Variants in WDR6 observed in about 807,000 individuals in gnomAD.
WDR6 encodes the protein WD repeat domain 6, also known as tRNA (34-2'-O)-methyltransferase regulator WDR6.
Under a neutral mutation model 85.6 loss-of-function variants are expected in WDR6, and 58 were observed. The ratio of observed to expected loss-of-function variants is 0.68; its 90% CI spans 0.55 to 0.84. The LOEUF (loss-of-function observed/expected upper bound fraction) is 0.84, where lower values mean the gene tolerates loss of function less well. Ranked by LOEUF, WDR6 falls within the 40% of genes least tolerant of loss-of-function variation. The probability of loss-of-function intolerance (pLI) is 0.00; values close to 1 mark genes in which losing one functional copy is unlikely to be tolerated. For synonymous variants in WDR6, 569 were observed against 582.2 expected (o/e 0.98, Z 0.33); for missense variants, 1,310 against 1,476.4 (o/e 0.89, Z 1.85).
chr3:49,011,560 C>T lies in WDR6; in HGVS notation c.101-75C>T, dbSNP rs748571268. 2.3e-5 allele frequency: 37 copies of T among 1,612,010 alleles called. No individual in the cohort carries two copies. In the Admixed American group the frequency reaches 4.0e-4, roughly 17 times the overall value. ...ATAGGCTACATGCCGAGAAGTTTCC[C>T]TGATCCCCATCTCTTCCCTGTGGGT... On this transcript the variant is annotated intron_variant, in intron 1 of 5. Transcript: ENST00000608424.
intron 1 of WDR6, chr3:49,011,006 ACT>A (rs1374436197): frequency 1.2e-5 from 5 of 431,276 alleles, no homozygotes; most frequent in South Asian, 5.0e-5. Context: ...ACAGAATGAG[ACT>A]CTGTCTCAAA....
chr3:49,013,866 C>T lies in WDR6; in HGVS notation c.2332C>T (p.Arg778Cys), dbSNP rs373873447. ...TGTTTGTAACCATATCTCCTCGGTA[C>T]GTGCTGTGGCTGTGTGGGGCATTGG... ...TAVCNHISSVRAVAVWGIGTP... is the reference protein window; with the variant it reads ...TAVCNHISSVCAVAVWGIGTP... Residue 778 changes from arginine (R) to cysteine (C), a missense_variant, in exon 2 of 6, where the codon CGT becomes TGT. By Grantham distance (180) the Arg-to-Cys change is radical (BLOSUM62 -3). Transcript: ENST00000608424. The surrounding 1 kb of genome is among the most constrained non-coding windows in gnomAD (Gnocchi z 4.6). 2.8e-5 allele frequency: 45 copies of T among 1,614,064 alleles called. No homozygotes were observed. The East Asian group carries it at 3.1e-4, about 11-fold the overall frequency.
In WDR6 at chr3:49,015,045, C is replaced by A; in HGVS notation, c.3123C>A (p.Pro1041=). ...QLRVLEEYSV[P]CAHAAHVTGL... is the part of the protein sequence containing the mutation. ...GTGTGCTAGAGGAATACTCTGTCCC[C>A]TGTGCACATGCTGCCCATGTGACAG... Residue 1041 remains proline, a synonymous_variant, in exon 6 of 6, where the codon CCC becomes CCA. Transcript: ENST00000608424. 6.2e-7 allele frequency: 1 copy of A among 1,614,184 alleles called. No individual in the cohort carries two copies.
At position 49,014,840 on chromosome 3, in the gene WDR6, C is replaced by T. The variant is rs199929459; in HGVS notation, c.2918C>T (p.Ser973Phe). Residue 973 changes from serine (S) to phenylalanine (F), a missense_variant, in exon 6 of 6, where the codon TCC becomes TTC. Transcript: ENST00000608424. The surrounding 1 kb of genome is among the most constrained non-coding windows in gnomAD (Gnocchi z 4.9). ...PGLPYRLGTP[S>F]LTLQAHSCGI... ...CTTCCTTCAGGGCTTGGCACCCCCT[C>T]CCTGACTCTCCAGGCCCACAGCTGT... 282 of 1,604,516 alleles carry T rather than the reference C, an allele frequency of 1.8e-4. No homozygotes were observed. The highest frequency in any genetic ancestry group is 2.3e-4 in the Non-Finnish European group (268 of 1,173,224).
rs778627359 is a variant in WDR6, at chr3:49,013,949, G to A, written c.2415G>A (p.Ala805=). The A allele has an allele frequency of 2.4e-5, 39 of 1,611,986 alleles. No individual in the cohort carries two copies. The highest frequency in any genetic ancestry group is 6.7e-5 in the East Asian group (3 of 44,892). ...GCCTGACTGCCCATGTGGTGTCTGC[G>A]GGGGGGCGGGCTGAGATGCACTGCT... The part of the protein sequence containing the change: ...QPGLTAHVVS[A]GGRAEMHCFS... Residue 805 remains alanine, a synonymous_variant, in exon 2 of 6, where the codon GCG becomes GCA. Transcript: ENST00000608424. The surrounding 1 kb of genome is among the most constrained non-coding windows in gnomAD (Gnocchi z 4.6).
At position 49,014,383 on chromosome 3, in the gene WDR6, G is replaced by C. The variant is rs763762581; in HGVS notation, c.2667G>C (p.Arg889Ser). ...VAAACSDGAVRLFLLQDSGRI... is the reference protein window; with the variant it reads ...VAAACSDGAVSLFLLQDSGRI... Reference sequence around the variant, plus strand: ...AGCTGGGCCACCCCCCGCCCCCCAGGCTCTTTCTTTTGCAGGATTCTGGGC... The same window carrying C: ...AGCTGGGCCACCCCCCGCCCCCCAGCCTCTTTCTTTTGCAGGATTCTGGGC... Residue 889 changes from arginine (R) to serine (S), a missense_variant and splice_region_variant, in exon 4 of 6, where the codon AGG (arginine) becomes AGC (serine). Arg to Ser is a moderately radical substitution (Grantham distance 110, BLOSUM62 -1). Coordinates refer to ENST00000608424, the MANE Select transcript of WDR6 (RefSeq NM_018031.6). This position sits in a 1 kb window ranked among gnomAD's most constrained non-coding sequence, Gnocchi z 4.9. 2 of 1,614,086 alleles carry C rather than the reference G, an allele frequency of 1.2e-6. No individual in the cohort carries two copies. The highest frequency in any genetic ancestry group is 1.7e-6 in the Non-Finnish European group (2 of 1,180,016).
chr3:49,014,510 C>T lies in WDR6; in HGVS notation c.2783+11C>T. 3 of 1,613,988 alleles carry T rather than the reference C, an allele frequency of 1.9e-6. No individual in the cohort carries two copies. Among genetic ancestry groups the T allele is most frequent in the East Asian group, 2.2e-5 (1 of 44,880 alleles). ...ACCCAACCAGAGGCGGTGAGAGGGG[C>T]TGGATGATGGTCCTGCATGGGCTGG... On this transcript the variant is annotated intron_variant, in intron 4 of 5. Transcript: ENST00000608424. The surrounding 1 kb of genome is among the most constrained non-coding windows in gnomAD (Gnocchi z 4.9).
At position 49,015,686 on chromosome 3, in the gene WDR6, C is replaced by CAAAG; in HGVS notation, c.*400_*403dup. 1.2e-6 allele frequency: 2 copies of CAAAG among 1,614,062 alleles called. No individual in the cohort carries two copies. The highest frequency in any genetic ancestry group is 8.5e-7 in the Non-Finnish European group (1 of 1,180,020). ...AGCTGCAGGCGGACGAACATCTGAC[C>CAAAG]AAAGAGGTGTGGTCGAGGCTCCTGA... On this transcript the variant is annotated 3_prime_UTR_variant, in exon 6 of 6. Coordinates refer to ENST00000608424, the MANE Select transcript of WDR6 (RefSeq NM_018031.6).
In WDR6 at chr3:49,013,088, C is replaced by G. The variant is rs764317219; in HGVS notation, c.1554C>G (p.Phe518Leu). 1 of 1,610,128 alleles carries G rather than the reference C, an allele frequency of 6.2e-7. No homozygotes were observed. Among genetic ancestry groups the G allele is most frequent in the African/African-American group, 1.3e-5 (1 of 74,974 alleles). Residue 518 changes from phenylalanine (F) to leucine (L), a missense_variant, in exon 2 of 6, where the codon TTC (phenylalanine) becomes TTG (leucine). Transcript: ENST00000608424. This position sits in a 1 kb window ranked among gnomAD's most constrained non-coding sequence, Gnocchi z 4.6. ...ACCGCCGGGGCTCTGTGCTGCTATT[C>G]CCCTCCAGACCAGGTCTGCTCAAGG... ...CGDRRGSVLL[F>L]PSRPGLLKDP...
In WDR6 at chr3:49,007,429, G is replaced by T. The variant is rs372975088; in HGVS notation, c.-3G>T. ...TGGCTGCCTCAGCACCTCGAGGATC[G>T]ACATGGACGCTCTCGAGGACTACGT... On this transcript the variant is annotated 5_prime_UTR_variant, in exon 1 of 6. Coordinates refer to ENST00000608424, the MANE Select transcript of WDR6 (RefSeq NM_018031.6). The surrounding 1 kb of genome is among the most constrained non-coding windows in gnomAD (Gnocchi z 5.1). The T allele has an allele frequency of 6.8e-6, 11 of 1,610,190 alleles. No individual in the cohort carries two copies. The highest frequency in any genetic ancestry group is 2.7e-5 in the African/African-American group (2 of 74,918).
chr3:49,014,303 T>C lies in WDR6; in HGVS notation c.2666+10T>C, dbSNP rs370764335. ...GTGATGGGGCCGTAAGGTGAGAGCA[T>C]AGGGCCCAGTGGGACAGGAGACAAA... On this transcript the variant is annotated intron_variant, in intron 3 of 5. Transcript: ENST00000608424. This position sits in a 1 kb window ranked among gnomAD's most constrained non-coding sequence, Gnocchi z 4.9. The C allele has an allele frequency of 7.4e-6, 12 of 1,614,084 alleles. No individual in the cohort carries two copies. Among genetic ancestry groups the C allele is most frequent in the South Asian group, 2.2e-5 (2 of 91,086 alleles).
rs2093031222 is a variant in WDR6 at position 49,013,712 on chromosome 3, G to C, written c.2178G>C (p.Gln726His). Residue 726 changes from glutamine to histidine, a missense_variant, in exon 2 of 6, where the codon CAG becomes CAC. Transcript: ENST00000608424. This position sits in a 1 kb window ranked among gnomAD's most constrained non-coding sequence, Gnocchi z 4.6. The part of the protein sequence containing the change: ...GPEYGVPSFM[Q>H]PDDLEPGSEG... The stretch of plus-strand genomic sequence containing the variant: ...AATATGGAGTGCCCAGCTTCATGCA[G>C]CCTGATGACCTGGAGCCTGGCAGTG... 2 of 1,614,104 alleles carry C rather than the reference G, an allele frequency of 1.2e-6. No individual in the cohort carries two copies. Among genetic ancestry groups the C allele is most frequent in the African/African-American group, 1.3e-5 (1 of 75,016 alleles).
In WDR6 at chr3:49,011,590, A is replaced by G. The variant is rs1319869948; in HGVS notation, c.101-45A>G. 4 of 1,611,342 alleles carry G rather than the reference A, an allele frequency of 2.5e-6. No homozygotes were observed. In the Admixed American group the frequency reaches 6.7e-5, roughly 27 times the overall value. On this transcript the variant is annotated intron_variant, in intron 1 of 5. Coordinates refer to ENST00000608424, the MANE Select transcript of WDR6 (RefSeq NM_018031.6). ...CCCCATCTCTTCCCTGTGGGTCATC[A>G]GAGTTAGGTACCTAGCTCTGACATG...
At position 49,014,003 on chromosome 3, in the gene WDR6, C is replaced by A; in HGVS notation, c.2469C>A (p.Ser823Arg). Residue 823 changes from serine to arginine, a missense_variant, in exon 2 of 6, where the codon AGC becomes AGA. By Grantham distance (110) the Ser-to-Arg change is moderately radical. Coordinates refer to ENST00000608424, the MANE Select transcript of WDR6 (RefSeq NM_018031.6). This position sits in a 1 kb window ranked among gnomAD's most constrained non-coding sequence, Gnocchi z 4.9. ...CFSIMVTPDP[S>R]TPSRLACHVM... ...GCATCATGGTTACTCCGGACCCCAG[C>A]ACCCCAAGCCGCCTCGCCTGCCATG... The A allele has an allele frequency of 6.2e-7, 1 of 1,611,802 alleles. No homozygotes were observed. Among genetic ancestry groups the A allele is most frequent in the Non-Finnish European group, 8.5e-7 (1 of 1,180,000 alleles).
At position 49,015,791 on chromosome 3, in the gene WDR6, G is replaced by C; in HGVS notation, c.*503G>C. 2 of 1,614,122 alleles carry C rather than the reference G, an allele frequency of 1.2e-6. No individual in the cohort carries two copies. Among genetic ancestry groups the C allele is most frequent in the Non-Finnish European group, 8.5e-7 (1 of 1,180,018 alleles). On this transcript the variant is annotated 3_prime_UTR_variant, in exon 6 of 6. Coordinates refer to ENST00000608424, the MANE Select transcript of WDR6 (RefSeq NM_018031.6). ...CTCTCTGCACGTCCCACCCCATTTT[G>C]CTGTGTGCTCACCCCCAGGATGTGT...
rs772747433 is a variant in WDR6 at position 49,013,709 on chromosome 3, G to A, written c.2175G>A (p.Met725Ile). 1 of 1,614,114 alleles carries A rather than the reference G, an allele frequency of 6.2e-7. No individual in the cohort carries two copies. Among genetic ancestry groups the A allele is most frequent in the East Asian group, 2.2e-5 (1 of 44,890 alleles). Reference sequence around the variant, plus strand: ...CTGAATATGGAGTGCCCAGCTTCATGCAGCCTGATGACCTGGAGCCTGGCA... The same window carrying A: ...CTGAATATGGAGTGCCCAGCTTCATACAGCCTGATGACCTGGAGCCTGGCA... ...LGPEYGVPSF[M>I]QPDDLEPGSE... The change falls in exon 2 of 6, where the codon ATG becomes ATA. Residue 725 changes from methionine to isoleucine, a missense_variant. Coordinates refer to ENST00000608424, the MANE Select transcript of WDR6 (RefSeq NM_018031.6). The surrounding 1 kb of genome is among the most constrained non-coding windows in gnomAD (Gnocchi z 4.6).
Position 49,014,342 on chromosome 3 carries a change from T to C in WDR6, c.2667-41T>C, listed in dbSNP as rs756407943. The C allele has an allele frequency of 1.2e-6, 2 of 1,614,102 alleles. No homozygotes were observed. Among genetic ancestry groups the C allele is most frequent in the Admixed American group, 3.3e-5 (2 of 60,012 alleles). On this transcript the variant is annotated intron_variant, in intron 3 of 5. Transcript: ENST00000608424. This position sits in a 1 kb window ranked among gnomAD's most constrained non-coding sequence, Gnocchi z 4.9. ...ACAGGAGACAAAGGAAGTAAGGTTGTCTAGGATGCGTTCTGAGCTGGGCCA... is the reference window on the plus strand; with the variant it reads ...ACAGGAGACAAAGGAAGTAAGGTTGCCTAGGATGCGTTCTGAGCTGGGCCA...
In WDR6 at chr3:49,011,696, G is replaced by A. The variant is rs370973115; in HGVS notation, c.162G>A (p.Lys54=). The A allele has an allele frequency of 6.2e-7, 1 of 1,614,198 alleles. No homozygotes were observed. Among genetic ancestry groups the A allele is most frequent in the African/African-American group, 1.3e-5 (1 of 75,040 alleles). Residue 54 remains lysine, a synonymous_variant, in exon 2 of 6, where the codon AAG becomes AAA. Coordinates refer to ENST00000608424, the MANE Select transcript of WDR6 (RefSeq NM_018031.6). ...TTGGTGGGCATCTGCGGATGATAAA[G>A]CGAGTGCAGAACCTGCTTGGCCACT... is the stretch of plus-strand genomic sequence containing the variant. ...LDFGGHLRMI[K]RVQNLLGHYL...
chr3:49,014,055 G>C lies in WDR6; in HGVS notation c.2521G>C (p.Asp841His), dbSNP rs2093034400. The C allele has an allele frequency of 1.2e-6, 2 of 1,613,056 alleles. No homozygotes were observed. Among genetic ancestry groups the C allele is most frequent in the Non-Finnish European group, 1.7e-6 (2 of 1,180,018 alleles). Residue 841 changes from aspartate (D) to histidine (H), a missense_variant, in exon 2 of 6, where the codon GAT becomes CAT. Physicochemically the swap from Asp to His is moderately conservative, Grantham distance 81. Transcript: ENST00000608424. The surrounding 1 kb of genome is among the most constrained non-coding windows in gnomAD (Gnocchi z 4.9). The part of the protein sequence containing the change: ...HVMHLSSHRL[D>H]EYWDRQRNRH... ...CATGCACCTTTCGTCCCACCGGCTA[G>C]ATGAGTATTGGGACCGGCAACGCAA...
Sources: gnomAD v4.1 joint callset for allele counts on GRCh38, gnomAD v4.1.1 for gene constraint, Gnocchi (gnomAD v3.1) non-coding constraint, MANE v1.5 for transcripts, NCBI Gene and HGNC (gene_info 2026-07-23, HGNC 2026-07-21) for gene names.